Variants in NRXN3 observed in about 807,000 individuals in gnomAD.
NRXN3 encodes neurexin III.
In NRXN3, 32 loss-of-function variants were observed where a neutral mutation model predicts 137.6. That is an observed-to-expected ratio of 0.23 (90% CI 0.18 to 0.31). NRXN3 has a LOEUF of 0.31. Among genes scored for constraint, NRXN3 ranks in the 10% least tolerant of loss-of-function variants. NRXN3 has a pLI of 1.00. For synonymous variants in NRXN3, 798 were observed against 784.5 expected, an observed-to-expected ratio of 1.02 and a Z score of -0.29; for missense variants, 1,574 against 2,062.5, an observed-to-expected ratio of 0.76 and a Z score of 4.59.
At chr14:78,247,561 A>G (rs2067877850) in intron 2 of NRXN3, among the ~76,000 whole-genome samples, 1 of 152,164 alleles carries the variant, frequency 6.6e-6, no homozygotes, top group African/African-American at 2.4e-5. Context: ...AGACTTGTTC[A>G]TGTTGACATT....
intron 1 of NRXN3, among the ~76,000 whole-genome samples, chr14:78,221,265 C>G (rs2063821081): frequency 6.6e-6 from 1 of 151,962 alleles, no homozygotes; most frequent in African/African-American, 2.4e-5. Context: ...GTGAGGTTAG[C>G]AAGGAGGGTT....
At chr14:78,216,625 G>A (rs1367219277) in intron 1 of NRXN3, among the ~76,000 whole-genome samples, 4 of 152,210 alleles carry the variant, frequency 2.6e-5, no homozygotes, top group African/African-American at 9.7e-5. Context: ...GCAATGCAGC[G>A]AGTTTGAAAA....
intron 1 of NRXN3, among the ~76,000 whole-genome samples, chr14:78,173,206 C>T (rs2058905964): frequency 6.6e-6 from 1 of 151,812 alleles, no homozygotes; most frequent in South Asian, 2.1e-4. Context: ...CACCGGTTTG[C>T]AGAATTTCTA....
chr14:78,422,833 G>C (rs956858382), intron 4 of NRXN3, among the ~76,000 whole-genome samples: 1 of 152,212 alleles, frequency 6.6e-6, no homozygotes, highest in African/African-American at 2.4e-5. Flanking sequence ...AAACGCCAGT[G>C]CATTTGAGAC....
intron 15 of NRXN3, among the ~76,000 whole-genome samples, chr14:79,000,803 A>G (rs1288332131): frequency 6.6e-6 from 1 of 152,212 alleles, no homozygotes; most frequent in Non-Finnish European, 1.5e-5. Flanking sequence ...TCCTGAGAAC[A>G]GAGCAAATCA....
chr14:78,801,992 G>T (rs1367626542), intron 8 of NRXN3, among the ~76,000 whole-genome samples: 1 of 152,140 alleles, frequency 6.6e-6, no homozygotes, highest in Non-Finnish European at 1.5e-5. Context: ...TTTCACCTTT[G>T]TATTCTCCAT....
chr14:78,346,128 A>T (rs985612333), intron 4 of NRXN3, among the ~76,000 whole-genome samples: 1 of 152,162 alleles, frequency 6.6e-6, no homozygotes, highest in African/African-American at 2.4e-5. Context: ...AGCACGGGTG[A>T]TGGGGAAAAG....
chr14:79,114,548 G>A (rs1441442201), intron 15 of NRXN3, among the ~76,000 whole-genome samples: 2 of 151,986 alleles, frequency 1.3e-5, no homozygotes, highest in Non-Finnish European at 2.9e-5. Context: ...ACTCAAAAGT[G>A]GTCTACTATA....
At chr14:79,440,961 A>G (rs1181087124) in intron 15 of NRXN3, among the ~76,000 whole-genome samples, 2 of 152,206 alleles carry the variant, frequency 1.3e-5, no homozygotes, top group African/African-American at 4.8e-5. Flanking sequence ...AGCTTGCTAC[A>G]GGATCAAGTC....
At chr14:79,757,942 T>C (rs2099025285) in intron 19 of NRXN3, among the ~76,000 whole-genome samples, 1 of 152,212 alleles carries the variant, frequency 6.6e-6, no homozygotes, top group Non-Finnish European at 1.5e-5. Context: ...CACAAAGCTA[T>C]TTTAAGCCTT....
intron 19 of NRXN3, among the ~76,000 whole-genome samples, chr14:79,722,625 T>C (rs1160388587): frequency 6.6e-6 from 1 of 152,174 alleles, no homozygotes; most frequent in Non-Finnish European, 1.5e-5. Context: ...TCTCAGATTT[T>C]ACCTCTTTTG....
At chr14:79,218,911 T>C (rs1025988053) in intron 15 of NRXN3, among the ~76,000 whole-genome samples, 2 of 151,960 alleles carry the variant, frequency 1.3e-5, no homozygotes, top group Non-Finnish European at 2.9e-5. Context: ...TCTAATTTTA[T>C]ATATAAAGGG....
intron 10 of NRXN3, among the ~76,000 whole-genome samples, chr14:78,927,537 A>G (rs905950112): frequency 3.3e-5 from 5 of 152,106 alleles, no homozygotes; most frequent in African/African-American, 4.8e-5. Context: ...GATATATTAC[A>G]TGGTACTTAC....
chr14:78,286,506 G>A lies in NRXN3; in HGVS notation c.727+7844G>A, dbSNP rs1175709677. Reference sequence around the variant, plus strand: ...GCCTAGGGAGGTCTGGTAAGGACGAGGCTAAGCTTGTCAGTTTGCTAGGCT... The same window carrying A: ...GCCTAGGGAGGTCTGGTAAGGACGAAGCTAAGCTTGTCAGTTTGCTAGGCT... On this transcript the variant is annotated intron_variant, in intron 3 of 20. Transcript: ENST00000335750. 2.6e-5 allele frequency among the ~76,000 whole-genome samples: 4 copies of A among 152,114 alleles called. No homozygotes were observed. The East Asian group carries it at 7.7e-4, about 29-fold the overall frequency.
At chr14:78,259,107 G>T (rs1438697564) in intron 2 of NRXN3, among the ~76,000 whole-genome samples, 1 of 151,158 alleles carries the variant, frequency 6.6e-6, no homozygotes, top group Admixed American at 6.6e-5. Context: ...ACTCCAGCCT[G>T]GGCGACAGTG....
intron 15 of NRXN3, among the ~76,000 whole-genome samples, chr14:79,111,542 C>A (rs1235669534): frequency 6.6e-6 from 1 of 152,092 alleles, no homozygotes; most frequent in Non-Finnish European, 1.5e-5. Context: ...AGTTCAAGAC[C>A]AGCCTGGTCA....
At chr14:78,593,601 C>T (rs925078960) in intron 4 of NRXN3, among the ~76,000 whole-genome samples, 2 of 152,096 alleles carry the variant, frequency 1.3e-5, no homozygotes, top group African/African-American at 2.4e-5. Flanking sequence ...AAGACATCCT[C>T]TGGGTTCCTT....
intron 15 of NRXN3, among the ~76,000 whole-genome samples, chr14:79,163,526 C>T (rs556951074): frequency 6.6e-6 from 1 of 151,984 alleles, no homozygotes; most frequent in Admixed American, 6.6e-5. Flanking sequence ...AAATTCCTGT[C>T]CTGGTACAAA....
At chr14:79,481,643 A>G (rs913978708) in intron 16 of NRXN3, among the ~76,000 whole-genome samples, 5 of 152,236 alleles carry the variant, frequency 3.3e-5, no homozygotes, top group Admixed American at 3.3e-4. Flanking sequence ...CTGTTTGTCC[A>G]CTGCCCAGAT....
Sources: allele counts gnomAD v4.1 joint callset (sites outside exome capture counted in the v4.1 genomes callset), GRCh38; gene constraint gnomAD v4.1.1; transcripts MANE v1.5; gene names NCBI Gene and HGNC (gene_info 2026-07-23, HGNC 2026-07-21).